The following HELLS variants were observed in gnomAD, a reference collection of about 807,000 sequenced individuals.
HELLS encodes lymphoid-specific helicase.
HELLS carries 32 observed loss-of-function variants against 120.0 expected under a neutral mutation model. The ratio of observed to expected loss-of-function variants is 0.27; its 90% CI spans 0.20 to 0.36. HELLS has a LOEUF of 0.36. Ranked by LOEUF, HELLS falls within the 10% of genes least tolerant of loss-of-function variation. The pLI is 1.00. For synonymous variants in HELLS, 341 were observed against 323.4 expected (o/e 1.05, Z -0.58); for missense variants, 650 against 993.4 (o/e 0.65, Z 4.65).
downstream of HELLS, among the ~76,000 whole-genome samples, chr10:94,602,901 T>C (rs919839974): frequency 2.6e-5 from 4 of 152,224 alleles, no homozygotes; most frequent in African/African-American, 9.6e-5. Flanking sequence ...ATCTTGTCCT[T>C]AGTGACCCAG....
At chr10:94,607,179 ATTACT>A (rs1564624255) in intron 8 of HELLS, among the ~76,000 whole-genome samples, 3 of 151,792 alleles carry the variant, frequency 2.0e-5, no homozygotes, top group Non-Finnish European at 4.4e-5. Context: ...GGGAGTGGTA[ATTACT>A]TTACAGGGAG....
At chr10:94,607,941 T>G in exon 9 of HELLS, 1 of 433,556 alleles carries the variant, frequency 2.3e-6, no homozygotes, top group Non-Finnish European at 4.6e-6. Flanking sequence ...TTGGCCTGAC[T>G]GGTCCCGAAC....
At position 94,588,396 on chromosome 10, in the gene HELLS, G is replaced by T. The variant is rs142213941; in HGVS notation, c.1488+6G>T. On this transcript the variant is annotated splice_donor_region_variant and intron_variant, in intron 13 of 21. Coordinates refer to ENST00000348459, the MANE Select transcript of HELLS (RefSeq NM_018063.5). ...ACATGTTTGGATCCAGTGAGGTATA[G>T]TGGTTTTGAAATGTACTGTAAATGA... The T allele has an allele frequency of 7.0e-6, 11 of 1,568,164 alleles. No homozygotes were observed. The highest frequency in any genetic ancestry group is 9.5e-6 in the Non-Finnish European group (11 of 1,158,544).
chr10:94,554,007 G>T, intron 2 of HELLS, 119 bp from the exon 3 acceptor site: 11 of 804,036 alleles, frequency 1.4e-5, no homozygotes, highest in East Asian at 6.7e-5. Flanking sequence ...TCCAGTTTTT[G>T]GTTTGAAAGT....
chr10:94,562,909 T>TTACTCAACATCA, intron 6 of HELLS, 33 bp downstream of exon 6: 1 of 1,279,182 alleles, frequency 7.8e-7, no homozygotes, highest in Non-Finnish European at 1.1e-6. Context: ...ACCTAACATT[T>TTACTCAACATCA]GATGTTGAGT....
At chr10:94,587,349 C>T (rs775132653) in intron 12 of HELLS, among the ~76,000 whole-genome samples, 1 of 152,186 alleles carries the variant, frequency 6.6e-6, no homozygotes, top group South Asian at 2.1e-4. Flanking sequence ...GCATAATAAT[C>T]ATATCATGGA....
chr10:94,611,990 G>A (rs910222388), exon 10 of HELLS: 2 of 152,122 alleles, frequency 1.3e-5, no homozygotes, highest in Non-Finnish European at 2.9e-5. Context: ...GGTACAGTAT[G>A]TGAAGATACA....
chr10:94,564,282 G>A (rs763847614), intron 6 of HELLS, among the ~76,000 whole-genome samples: 2 of 152,162 alleles, frequency 1.3e-5, no homozygotes, highest in Admixed American at 1.3e-4. Context: ...CGGAGAGTTG[G>A]GGGGAAAGGG....
intron 6 of HELLS, among the ~76,000 whole-genome samples, chr10:94,565,206 T>C (rs1382971223): frequency 1.3e-5 from 2 of 152,060 alleles, no homozygotes; most frequent in East Asian, 3.9e-4. Flanking sequence ...GAATGGTGGC[T>C]TGCGCCTGTA....
chr10:94,591,740 A>G (rs1490919093), intron 15 of HELLS, among the ~76,000 whole-genome samples: 1 of 152,202 alleles, frequency 6.6e-6, no homozygotes, highest in Non-Finnish European at 1.5e-5. Context: ...AAGGAAGACA[A>G]AACTTTCCCA....
chr10:94,553,057 A>G (rs938735588), intron 2 of HELLS, among the ~76,000 whole-genome samples: 1 of 152,178 alleles, frequency 6.6e-6, no homozygotes. Flanking sequence ...TGTTCTATCC[A>G]AATCAACTTG....
rs1015498445 is a variant in HELLS, at chr10:94,565,615, C to T, written c.435+2739C>T. On this transcript the variant is annotated intron_variant, in intron 6 of 21. Coordinates refer to ENST00000348459, the MANE Select transcript of HELLS (RefSeq NM_018063.5). ...TGAGGCAGGAGAATTGCTTGAACCC[C>T]GGAGGCGGAGGTTGCAGTGAGCTGA... 4.0e-5 allele frequency among the ~76,000 whole-genome samples: 6 copies of T among 149,952 alleles called. No homozygotes were observed. The South Asian group carries it at 8.5e-4, about 21-fold the overall frequency.
downstream of HELLS, among the ~76,000 whole-genome samples, chr10:94,604,218 G>A (rs935188172): frequency 5.3e-5 from 8 of 149,904 alleles, no homozygotes; most frequent in African/African-American, 2.0e-4. Context: ...TCTGCCCCCC[G>A]GGTTTAAGTG....
At chr10:94,597,516 C>T (rs778262749) in intron 21 of HELLS, among the ~76,000 whole-genome samples, 2 of 152,010 alleles carry the variant, frequency 1.3e-5, no homozygotes, top group African/African-American at 4.8e-5. Flanking sequence ...CTTTACTTAA[C>T]ACGATGATTT....
intron 11 of HELLS, among the ~76,000 whole-genome samples, chr10:94,581,916 CTAGT>C (rs754055130): frequency 1.1e-4 from 16 of 152,102 alleles, no homozygotes; most frequent in Non-Finnish European, 1.8e-4. Flanking sequence ...CAAGATAAGA[CTAGT>C]TAGTTAGCAC....
At chr10:94,584,578 G>C (rs1206207364) in intron 12 of HELLS, among the ~76,000 whole-genome samples, 1 of 152,050 alleles carries the variant, frequency 6.6e-6, no homozygotes, top group Non-Finnish European at 1.5e-5. Flanking sequence ...TTAAGTTTCT[G>C]TTCTTAGGAA....
At chr10:94,605,106 G>C (rs1195397797), downstream of HELLS, among the ~76,000 whole-genome samples, 1 of 120,188 alleles carries the variant, frequency 8.3e-6, no homozygotes, top group African/African-American at 3.4e-5. Flanking sequence ...CTTTAAGACA[G>C]AGTTTCACTC....
At chr10:94,604,463 C>T (rs1209926417), downstream of HELLS, among the ~76,000 whole-genome samples, 11 of 149,104 alleles carry the variant, frequency 7.4e-5, no homozygotes, top group East Asian at 1.0e-3. Context: ...CACCCCCCGC[C>T]ACCCCCCACA....
chr10:94,592,866 C>T (rs148891086), intron 17 of HELLS, among the ~76,000 whole-genome samples: 189 of 151,582 alleles, frequency 1.2e-3, no homozygotes, highest in Non-Finnish European at 2.0e-3. Context: ...ACTGTAAATC[C>T]GCCTACAATC....
Sources: gnomAD v4.1 joint callset for allele counts (sites outside exome capture counted in the v4.1 genomes callset) on GRCh38, gnomAD v4.1.1 for gene constraint, MANE v1.5 for transcripts, NCBI Gene and HGNC (gene_info 2026-07-23, HGNC 2026-07-21) for gene names.